CPLANE1: variants seen among roughly 807,000 people sequenced by gnomAD.
CPLANE1 encodes the protein ciliogenesis and planar polarity effector complex subunit 1, also known as ciliogenesis and planar polarity effector 1.
CPLANE1 carries 263 observed loss-of-function variants against 362.5 expected under a neutral mutation model. The observed-to-expected ratio is 0.73, with a 90% confidence interval of 0.66 to 0.80. The LOEUF (loss-of-function observed/expected upper bound fraction) is 0.80, where lower values mean the gene tolerates loss of function less well. Among genes scored for constraint, CPLANE1 ranks in the 30% least tolerant of loss-of-function variants. The probability of loss-of-function intolerance (pLI) is 0.00; values close to 1 mark genes in which losing one functional copy is unlikely to be tolerated. For missense variants in CPLANE1, 3,461 were observed against 3,793.4 expected (o/e 0.91, Z 2.30); for synonymous variants, 1,212 against 1,302.6 (o/e 0.93, Z 1.50).
At chr5:37,095,710 TAATAA>T in the CPLANE1 span, among the ~76,000 whole-genome samples, 1 of 152,184 alleles carries the variant, frequency 6.6e-6, no homozygotes, top group Non-Finnish European at 1.5e-5. Context: ...CTCCTAGAAC[TAATAA>T]AATAATTCAG....
intron 51 of CPLANE1, among the ~76,000 whole-genome samples, chr5:37,111,153 C>T (rs1382850704): frequency 6.7e-6 from 1 of 149,924 alleles, no homozygotes; most frequent in East Asian, 2.0e-4. Flanking sequence ...CAGAGTCTCG[C>T]TCTGTCACTC....
intron 37 of CPLANE1, among the ~76,000 whole-genome samples, chr5:37,164,051 T>C (rs1052959113): frequency 2.0e-5 from 3 of 152,184 alleles, no homozygotes; most frequent in African/African-American, 7.2e-5. Context: ...CTGCGTATCC[T>C]TTATAATAAA....
intron 21 of CPLANE1, among the ~76,000 whole-genome samples, chr5:37,194,743 C>T (rs899547974): frequency 1.3e-5 from 2 of 150,926 alleles, no homozygotes; most frequent in African/African-American, 4.9e-5. Flanking sequence ...AATCATTGCA[C>T]ACAAGACCCT....
chr5:37,194,076 T>C (rs1786489990), intron 21 of CPLANE1, among the ~76,000 whole-genome samples: 1 of 151,950 alleles, frequency 6.6e-6, no homozygotes, highest in Non-Finnish European at 1.5e-5. Flanking sequence ...TGCACACCAC[T>C]ATGCCTGGCT....
At chr5:37,223,254 T>G (rs1401211713) in intron 14 of CPLANE1, among the ~76,000 whole-genome samples, 1 of 152,190 alleles carries the variant, frequency 6.6e-6, no homozygotes, top group Non-Finnish European at 1.5e-5. Context: ...TTGGCCAATC[T>G]CTACTCAATT....
In CPLANE1 at chr5:37,227,223, A is replaced by G; in HGVS notation, c.1521+20T>C. The G allele has an allele frequency of 6.5e-7, 1 of 1,545,954 alleles. No homozygotes were observed. The highest frequency in any genetic ancestry group is 8.7e-7 in the Non-Finnish European group (1 of 1,144,092). On this transcript the variant is annotated intron_variant, in intron 11 of 52. Transcript: ENST00000651892. Reference sequence around the variant, plus strand: ...AAAGTCATAATTGTTCCAAGTAAATAAAATTCTGCTGCTAAGTACCTGAAA... The same window carrying G: ...AAAGTCATAATTGTTCCAAGTAAATGAAATTCTGCTGCTAAGTACCTGAAA...
At chr5:37,091,983 T>C in the CPLANE1 span, among the ~76,000 whole-genome samples, 5 of 152,118 alleles carry the variant, frequency 3.3e-5, no homozygotes, top group South Asian at 6.2e-4. Context: ...CAGACACCAT[T>C]TACTTCAGAT....
At chr5:37,089,233 C>T in the CPLANE1 span, among the ~76,000 whole-genome samples, 2 of 152,142 alleles carry the variant, frequency 1.3e-5, no homozygotes, top group East Asian at 1.9e-4. Context: ...CATGGAAGCA[C>T]ACACAGCCAA....
At chr5:37,109,787 G>C (rs1758593612) in intron 51 of CPLANE1, among the ~76,000 whole-genome samples, 2 of 152,188 alleles carry the variant, frequency 1.3e-5, no homozygotes, top group Admixed American at 1.3e-4. Context: ...CTCCCAAGTA[G>C]CTGGGATTAC....
chr5:37,098,328 T>G, the CPLANE1 span, among the ~76,000 whole-genome samples: 1 of 142,968 alleles, frequency 7.0e-6, no homozygotes, highest in Non-Finnish European at 1.5e-5. Context: ...GAGGCGGAGG[T>G]TGCAGTGAGC....
the CPLANE1 span, among the ~76,000 whole-genome samples, chr5:37,080,602 T>G: frequency 2.0e-5 from 3 of 152,236 alleles, no homozygotes; most frequent in Non-Finnish European, 4.4e-5. Context: ...CAAGGGCTTA[T>G]GTACAGTGCA....
the CPLANE1 span, among the ~76,000 whole-genome samples, chr5:37,092,217 C>T: frequency 4.6e-5 from 7 of 152,270 alleles, no homozygotes; most frequent in Admixed American, 1.3e-4. Context: ...CAGTGGGGTC[C>T]CTCAGTAATG....
intron 6 of CPLANE1, among the ~76,000 whole-genome samples, chr5:37,240,398 G>A (rs1033540211): frequency 3.3e-5 from 5 of 152,066 alleles, no homozygotes; most frequent in Admixed American, 6.6e-5. Flanking sequence ...TCGGGCTCAC[G>A]GTTCTGCAGG....
chr5:37,211,603 T>C, intron 16 of CPLANE1: 2 of 895,388 alleles, frequency 2.2e-6, no homozygotes, highest in East Asian at 2.4e-5. Context: ...AAAAGAAGCC[T>C]TGAAAGTGAA....
chr5:37,126,252 T>A (rs988060498), intron 46 of CPLANE1, among the ~76,000 whole-genome samples: 9 of 151,988 alleles, frequency 5.9e-5, no homozygotes, highest in East Asian at 1.9e-4. Flanking sequence ...AACAAAAAAA[T>A]TGTAACACAG....
chr5:37,218,855 G>C (rs1207655174), intron 15 of CPLANE1, among the ~76,000 whole-genome samples: 1 of 151,808 alleles, frequency 6.6e-6, no homozygotes, highest in East Asian at 1.9e-4. Context: ...GGCTGAGGCA[G>C]GAAAACTGCT....
chr5:37,105,808 C>T (rs1210014870), downstream of CPLANE1, among the ~76,000 whole-genome samples: 1 of 152,134 alleles, frequency 6.6e-6, no homozygotes, highest in Non-Finnish European at 1.5e-5. Flanking sequence ...AGAACTCAAA[C>T]AACTTAGTAA....
At chr5:37,203,567 G>A (rs1789823817) in intron 18 of CPLANE1, among the ~76,000 whole-genome samples, 2 of 152,310 alleles carry the variant, frequency 1.3e-5, no homozygotes, top group South Asian at 4.1e-4. Context: ...AGGCTGGAGT[G>A]CAGTGGCACA....
chr5:37,136,077 C>T (rs569212116), intron 46 of CPLANE1, among the ~76,000 whole-genome samples: 1 of 152,262 alleles, frequency 6.6e-6, no homozygotes, highest in East Asian at 1.9e-4. Flanking sequence ...AACAGTCCCC[C>T]ACGGTCTTAA....
Sources: allele counts gnomAD v4.1 joint callset (sites outside exome capture counted in the v4.1 genomes callset), GRCh38; gene constraint gnomAD v4.1.1; transcripts MANE v1.5; gene names NCBI Gene and HGNC (gene_info 2026-07-23, HGNC 2026-07-21).